PPIC: variants seen among roughly 807,000 people sequenced by gnomAD.
PPIC encodes peptidyl-prolyl cis-trans isomerase C.
Under a neutral mutation model 19.5 loss-of-function variants are expected in PPIC, and 19 were observed. The ratio of observed to expected loss-of-function variants is 0.98; its 90% CI spans 0.68 to 1.43. The LOEUF (loss-of-function observed/expected upper bound fraction) is 1.43, where lower values mean the gene tolerates loss of function less well. Ranked by LOEUF, PPIC falls within the 40% of genes most tolerant of loss-of-function variation. PPIC has a pLI of 0.00. For missense variants in PPIC, 268 were observed against 268.6 expected (o/e 1.00, Z 0.02); for synonymous variants, 107 against 101.2 (o/e 1.06, Z -0.34).
At position 123,036,550 on chromosome 5, in the gene PPIC, C is replaced by T. The variant is rs752235541; in HGVS notation, c.76G>A (p.Ala26Thr). 2.5e-6 allele frequency: 4 copies of T among 1,604,182 alleles called. No homozygotes were observed. The African/African-American group carries it at 4.0e-5, about 16-fold the overall frequency. The change falls in exon 1 of 5, where the codon GCC becomes ACC. Residue 26 changes from alanine (A) to threonine (T), a missense_variant. Transcript: ENST00000306442. The surrounding 1 kb of genome is among the most constrained non-coding windows in gnomAD (Gnocchi z 4.5). ...GGGCCTCGCTTGCGGAAGCCCTCGG[C>T]CCCCGAAGAAAACACAAGTGCGCCG... ...GLGALVFSSG[A>T]EGFRKRGPSV...
intron 1 of PPIC, among the ~76,000 whole-genome samples, chr5:123,030,727 G>A (rs1279342112): frequency 6.6e-6 from 1 of 152,142 alleles, no homozygotes; most frequent in Non-Finnish European, 1.5e-5. Context: ...GGGATAGGAA[G>A]GTGCTTCAAC....
At chr5:123,033,321 G>T (rs1212657229) in intron 1 of PPIC, among the ~76,000 whole-genome samples, 1 of 152,124 alleles carries the variant, frequency 6.6e-6, no homozygotes. Context: ...GGCCTAATGC[G>T]AGGTGTTTGA....
In PPIC at chr5:123,036,720, G is replaced by T; in HGVS notation, c.-95C>A. 1 of 1,077,716 alleles carries T rather than the reference G, an allele frequency of 9.3e-7. No homozygotes were observed. Among genetic ancestry groups the T allele is most frequent in the Non-Finnish European group, 1.3e-6 (1 of 756,932 alleles). 66.8% of individuals were successfully genotyped at this position (1,077,716 alleles called of 1,614,324 possible). The stretch of plus-strand genomic sequence containing the variant: ...GCTGACGGGACTGCCGGCCGGCTGC[G>T]CCTGCGCGCTCCCGGTTGCGGGGGA... On this transcript the variant is annotated 5_prime_UTR_variant, in exon 1 of 5. Coordinates refer to ENST00000306442, the MANE Select transcript of PPIC (RefSeq NM_000943.5). The surrounding 1 kb of genome is among the most constrained non-coding windows in gnomAD (Gnocchi z 4.5).
chr5:123,027,555 C>T (rs1762879576), intron 3 of PPIC, among the ~76,000 whole-genome samples: 1 of 152,174 alleles, frequency 6.6e-6, no homozygotes, highest in African/African-American at 2.4e-5. Context: ...ATCCCATTGC[C>T]TGGGGCAACC....
intron 1 of PPIC, 103 bp from the exon 2 acceptor site, chr5:123,029,521 C>T: frequency 6.9e-7 from 1 of 1,439,796 alleles, no homozygotes; most frequent in Non-Finnish European, 9.1e-7. Context: ...ATACAAAAGC[C>T]CTGCCCATCA....
chr5:123,031,610 A>T (rs1416479766), intron 1 of PPIC, among the ~76,000 whole-genome samples: 1 of 152,194 alleles, frequency 6.6e-6, no homozygotes, highest in African/African-American at 2.4e-5. Context: ...ATGCTGACGT[A>T]AGCATGAGTT....
At chr5:123,035,399 G>C (rs1762992488) in intron 1 of PPIC, among the ~76,000 whole-genome samples, 1 of 152,276 alleles carries the variant, frequency 6.6e-6, no homozygotes, top group East Asian at 1.9e-4. Context: ...TCAAGAGGCT[G>C]GGAGTAAGAT....
rs1762798329 is a variant in PPIC at position 123,023,664 on chromosome 5, A to G, written c.*211T>C. 3.3e-6 allele frequency: 2 copies of G among 597,338 alleles called. No homozygotes were observed. The highest frequency in any genetic ancestry group is 3.8e-5 in the African/African-American group (2 of 52,734). The allele number at this position is 597,338 out of a possible 1,614,324, so 37.0% of individuals were successfully genotyped here. On this transcript the variant is annotated 3_prime_UTR_variant, in exon 5 of 5. Coordinates refer to ENST00000306442, the MANE Select transcript of PPIC (RefSeq NM_000943.5). ...CCACTTGAGGAAGGGGATATATTTA[A>G]GTTCAAAGTCCCTAAGCAGGTGGTT...
At chr5:123,032,862 G>A (rs962760362) in intron 1 of PPIC, among the ~76,000 whole-genome samples, 2 of 152,170 alleles carry the variant, frequency 1.3e-5, no homozygotes, top group Admixed American at 6.5e-5. Flanking sequence ...ACTTTGGGGT[G>A]AGCACCTCAG....
chr5:123,031,365 G>T (rs573133697), intron 1 of PPIC, among the ~76,000 whole-genome samples: 7 of 152,318 alleles, frequency 4.6e-5, no homozygotes, highest in African/African-American at 1.4e-4. Flanking sequence ...GGAACGGTGA[G>T]GCTAAGGAGG....
chr5:123,025,887 T>C lies in PPIC; in HGVS notation c.407A>G (p.Asn136Ser), dbSNP rs1186168018. The change falls in exon 4 of 5, where the codon AAC (asparagine) becomes AGC (serine). Residue 136 changes from asparagine to serine, a missense_variant. By Grantham distance (46) the Asn-to-Ser change is conservative. Coordinates refer to ENST00000306442, the MANE Select transcript of PPIC (RefSeq NM_000943.5). ...HYGIGWVSMANAGPDTNGSQF... is the reference protein window; with the variant it reads ...HYGIGWVSMASAGPDTNGSQF... ...AGAGCCATTGGTGTCAGGCCCAGCG[T>C]TGGCCATGCTGACCCACCCAATGCC... The C allele has an allele frequency of 1.1e-5, 18 of 1,613,970 alleles. No homozygotes were observed. The highest frequency in any genetic ancestry group is 1.4e-5 in the Non-Finnish European group (16 of 1,180,026).
intron 1 of PPIC, among the ~76,000 whole-genome samples, chr5:123,031,440 G>A (rs1292862913): frequency 1.3e-5 from 2 of 152,174 alleles, no homozygotes; most frequent in South Asian, 2.1e-4. Context: ...ATGGGGGTGA[G>A]CCTTGCCTGG....
chr5:123,023,958 G>A lies in PPIC; in HGVS notation c.556C>T (p.Arg186Cys), dbSNP rs188120010. ...ATGATCGAGCAGTTGGTGAGTGGAC[G>A]GTCATGCCCATCAGTTGCTTGGAGC... The part of the protein sequence containing the change: ...IELQATDGHD[R>C]PLTNCSIINS... Residue 186 changes from arginine (R) to cysteine (C), a missense_variant, in exon 5 of 5, where the codon CGT (arginine) becomes TGT (cysteine). Arg to Cys is a radical substitution (Grantham distance 180). Coordinates refer to ENST00000306442, the MANE Select transcript of PPIC (RefSeq NM_000943.5). 16 of 1,614,044 alleles carry A rather than the reference G, an allele frequency of 9.9e-6. No homozygotes were observed. Among genetic ancestry groups the A allele is most frequent in the East Asian group, 6.7e-5 (3 of 44,874 alleles).
Position 123,025,855 on chromosome 5 carries a change from AG to A in PPIC, c.438del (p.Phe147LeufsTer4). On this transcript the variant is annotated frameshift_variant, in exon 4 of 5. Transcript: ENST00000306442. LOFTEE classifies it high-confidence loss of function. ...NAGPDTNGSQ[F>X]FITLTKPTWL... ...CAGGTGGGCTTGGTCAAGGTGATAA[AG>A]AACTGAGAGCCATTGGTGTCAGGCC... 6.2e-7 allele frequency: 1 copy of A among 1,614,178 alleles called. No homozygotes were observed.
At chr5:123,027,270 G>A (rs1404369308) in intron 3 of PPIC, among the ~76,000 whole-genome samples, 1 of 152,134 alleles carries the variant, frequency 6.6e-6, no homozygotes, top group Admixed American at 6.5e-5. Flanking sequence ...ACTTGAAGTG[G>A]CCTTGTAGGA....
chr5:123,035,734 C>A (rs1054250638), intron 1 of PPIC, among the ~76,000 whole-genome samples: 1 of 152,196 alleles, frequency 6.6e-6, no homozygotes, highest in Non-Finnish European at 1.5e-5. Flanking sequence ...CTGCATTCTC[C>A]CATTATCGTC....
intron 1 of PPIC, among the ~76,000 whole-genome samples, chr5:123,031,773 C>T (rs1329504907): frequency 2.6e-5 from 4 of 152,002 alleles, no homozygotes; most frequent in African/African-American, 7.3e-5. Context: ...AGGAAATGTA[C>T]GAGGGAGACA....
At position 123,036,174 on chromosome 5, in the gene PPIC, G is replaced by A; in HGVS notation, c.117+335C>T. On this transcript the variant is annotated intron_variant, in intron 1 of 4. Coordinates refer to ENST00000306442, the MANE Select transcript of PPIC (RefSeq NM_000943.5). The surrounding 1 kb of genome is among the most constrained non-coding windows in gnomAD (Gnocchi z 4.5). ...CAGGCCACGCTGAAGGAAGTACTTG[G>A]GCAGTCTCTTTCCTGGAGAACGGGC... 5.9e-6 allele frequency: 2 copies of A among 340,930 alleles called. No homozygotes were observed. Among genetic ancestry groups the A allele is most frequent in the South Asian group, 5.8e-5 (2 of 34,494 alleles). The allele number at this position is 340,930 out of a possible 1,614,324, so 21.1% of individuals were successfully genotyped here. A position where few individuals can be genotyped will look rare whatever the true frequency, so the allele number is the denominator to read the frequency against.
chr5:123,026,686 G>C (rs1264442967), intron 3 of PPIC, among the ~76,000 whole-genome samples: 1 of 152,208 alleles, frequency 6.6e-6, no homozygotes, highest in Non-Finnish European at 1.5e-5. Flanking sequence ...ACAATTGGGA[G>C]CACCCAGTGG....
Sources: gnomAD v4.1 joint callset for allele counts (sites outside exome capture counted in the v4.1 genomes callset) on GRCh38, gnomAD v4.1.1 for gene constraint, Gnocchi (gnomAD v3.1) non-coding constraint, MANE v1.5 for transcripts, NCBI Gene and HGNC (gene_info 2026-07-23, HGNC 2026-07-21) for gene names.